The following SEC22A variants were observed in gnomAD, a reference collection of about 807,000 sequenced individuals.
SEC22A encodes SEC22 homolog A, vesicle trafficking protein.
SEC22A carries 22 observed loss-of-function variants against 35.3 expected under a neutral mutation model. That is an observed-to-expected ratio of 0.62 (90% CI 0.45 to 0.89). SEC22A has a LOEUF of 0.89. Among genes scored for constraint, SEC22A ranks in the 40% least tolerant of loss-of-function variants. The pLI is 0.00. For missense variants in SEC22A, 354 were observed against 362.5 expected, an observed-to-expected ratio of 0.98 and a Z score of 0.19; for synonymous variants, 119 against 129.5, an observed-to-expected ratio of 0.92 and a Z score of 0.55.
At chr3:123,264,796 T>TTTCG (rs951372377) in intron 6 of SEC22A, among the ~76,000 whole-genome samples, 4 of 151,812 alleles carry the variant, frequency 2.6e-5, no homozygotes, top group Non-Finnish European at 5.9e-5. Context: ...GCCTAGCTAA[T>TTTCG]TTTGTTTGTT....
At chr3:123,241,263 A>G (rs1024173503) in intron 4 of SEC22A, among the ~76,000 whole-genome samples, 8 of 152,162 alleles carry the variant, frequency 5.3e-5, no homozygotes, top group Non-Finnish European at 8.8e-5. Context: ...AAGGATATGC[A>G]TGATTTTTAC....
At chr3:123,260,294 T>A (rs1937860574) in intron 6 of SEC22A, among the ~76,000 whole-genome samples, 1 of 151,996 alleles carries the variant, frequency 6.6e-6, no homozygotes, top group Non-Finnish European at 1.5e-5. Context: ...GATTTTAGGA[T>A]TCAATTTAGC....
In SEC22A at chr3:123,245,974, A is replaced by T. The variant is rs1937562780; in HGVS notation, c.617A>T (p.Asn206Ile). ...FILSLLCGAL[N>I]LIRGFHAIES... The stretch of plus-strand genomic sequence containing the variant: ...CTTAGTCTTTTATGTGGAGCTCTGA[A>T]TTTAATTCGAGGCTTTCATGCTATA... Residue 206 changes from asparagine to isoleucine, a missense_variant, in exon 5 of 7, where the codon AAT (asparagine) becomes ATT (isoleucine). Coordinates refer to ENST00000492595, the MANE Select transcript of SEC22A (RefSeq NM_012430.5). 1 of 1,612,830 alleles carries T rather than the reference A, an allele frequency of 6.2e-7. No individual in the cohort carries two copies. Among genetic ancestry groups the T allele is most frequent in the African/African-American group, 1.3e-5 (1 of 74,874 alleles).
intron 5 of SEC22A, among the ~76,000 whole-genome samples, chr3:123,247,188 T>A (rs940914723): frequency 6.6e-6 from 1 of 152,186 alleles, no homozygotes; most frequent in Non-Finnish European, 1.5e-5. Flanking sequence ...CAAAGACAAT[T>A]TGGAGACTGC....
chr3:123,235,184 C>A (rs1937396405), intron 4 of SEC22A, among the ~76,000 whole-genome samples: 1 of 152,202 alleles, frequency 6.6e-6, no homozygotes, highest in Admixed American at 6.5e-5. Context: ...TGTACTACCT[C>A]ACCCAATTCA....
At position 123,234,660 on chromosome 3, in the gene SEC22A, A is replaced by G. The variant is rs951899947; in HGVS notation, c.541+9363A>G. Among the ~76,000 whole-genome samples, 41 of 152,320 alleles carry G rather than the reference A, an allele frequency of 2.7e-4. No homozygotes were observed. In the South Asian group the frequency reaches 6.2e-3, roughly 23 times the overall value. On this transcript the variant is annotated intron_variant, in intron 4 of 6. Coordinates refer to ENST00000492595, the MANE Select transcript of SEC22A (RefSeq NM_012430.5). ...AAAACTATAAAACTTTTAGGAGAAA[A>G]CATACATATAAATCTTTGTATAATC...
chr3:123,270,316 G>A lies in SEC22A; in HGVS notation c.724-1206G>A, dbSNP rs143700033. Among the ~76,000 whole-genome samples, 6 of 152,226 alleles carry A rather than the reference G, an allele frequency of 3.9e-5. No individual in the cohort carries two copies. The East Asian group carries it at 1.2e-3, about 29-fold the overall frequency. On this transcript the variant is annotated intron_variant, in intron 6 of 6. Transcript: ENST00000492595. The stretch of plus-strand genomic sequence containing the variant: ...ACTTCCAATTCATTTTGCTTGGATA[G>A]CAGTCTTCTTTTTAAGTAAACAGTC...
chr3:123,237,511 C>G (rs1158535990), intron 4 of SEC22A, among the ~76,000 whole-genome samples: 1 of 152,162 alleles, frequency 6.6e-6, no homozygotes, highest in Non-Finnish European at 1.5e-5. Flanking sequence ...TCTTTTAAGA[C>G]TTGGATGGTG....
chr3:123,260,385 G>A (rs1937863487), intron 6 of SEC22A, among the ~76,000 whole-genome samples: 1 of 152,132 alleles, frequency 6.6e-6, no homozygotes, highest in South Asian at 2.1e-4. Flanking sequence ...CAGGTAGAAG[G>A]TAATGAAAGC....
rs544322798 is a variant in SEC22A at position 123,262,259 on chromosome 3, G to A, written c.723+2670G>A. Among the ~76,000 whole-genome samples, 13 of 152,262 alleles carry A rather than the reference G, an allele frequency of 8.5e-5. No individual in the cohort carries two copies. The South Asian group carries it at 2.7e-3, about 32-fold the overall frequency. ...AGCTCAGCCTGATAGGATTAATCTT[G>A]ATATGGAACATTTCAAATAGGAAAG... On this transcript the variant is annotated intron_variant, in intron 6 of 6. Transcript: ENST00000492595.
intron 2 of SEC22A, among the ~76,000 whole-genome samples, chr3:123,213,614 A>C (rs1432180747): frequency 1.3e-5 from 2 of 152,086 alleles, no homozygotes; most frequent in East Asian, 3.8e-4. Context: ...TTTTTAATTT[A>C]ATTTTATTTC....
rs757793452 is a variant in SEC22A at position 123,209,371 on chromosome 3, A to G, written c.154A>G (p.Thr52Ala). 44 of 1,613,598 alleles carry G rather than the reference A, an allele frequency of 2.7e-5. No individual in the cohort carries two copies. Among genetic ancestry groups the G allele is most frequent in the Non-Finnish European group, 3.2e-5 (38 of 1,179,676 alleles). Residue 52 changes from threonine (T) to alanine (A), a missense_variant, in exon 2 of 7, where the codon ACA (threonine) becomes GCA (alanine). Transcript: ENST00000492595. ...RKLAQLPDRCTLKTGHYNINF... is the reference protein window; with the variant it reads ...RKLAQLPDRCALKTGHYNINF... ...ACTTGCTCAACTTCCTGATAGATGT[A>G]CACTGAAAACTGGACATTATAACAT...
intron 2 of SEC22A, among the ~76,000 whole-genome samples, chr3:123,212,341 C>T (rs993968330): frequency 1.3e-5 from 2 of 152,026 alleles, no homozygotes; most frequent in African/African-American, 4.8e-5. Context: ...GATGTCTCAA[C>T]CTACTTCTAT....
chr3:123,227,780 T>C (rs1248832680), intron 4 of SEC22A, among the ~76,000 whole-genome samples: 1 of 151,988 alleles, frequency 6.6e-6, no homozygotes, highest in African/African-American at 2.4e-5. Context: ...TGAAACCCTG[T>C]CTCTACTAAA....
chr3:123,212,225 A>G (rs1436503929), intron 2 of SEC22A, among the ~76,000 whole-genome samples: 3 of 152,108 alleles, frequency 2.0e-5, no homozygotes, highest in Admixed American at 6.6e-5. Flanking sequence ...AATGTCCACA[A>G]TTTCTTAGAT....
At chr3:123,239,452 C>A (rs1199945251) in intron 4 of SEC22A, among the ~76,000 whole-genome samples, 1 of 152,034 alleles carries the variant, frequency 6.6e-6, no homozygotes. Flanking sequence ...CCCCCTCCAC[C>A]CACCCCACAA....
chr3:123,218,609 T>A (rs1016392928), intron 2 of SEC22A, among the ~76,000 whole-genome samples: 1 of 152,124 alleles, frequency 6.6e-6, no homozygotes, highest in African/African-American at 2.4e-5. Flanking sequence ...CTTAAGGACA[T>A]GTCGAAGATT....
At chr3:123,203,053 CTTTTTTTTTTTT>C (rs779433710) in intron 1 of SEC22A, among the ~76,000 whole-genome samples, 104 of 43,826 alleles carry the variant, frequency 2.4e-3, no homozygotes, top group East Asian at 0.016. Context: ...TGTTTAGTGC[CTTTTTTTTTTTT>C]TTTTTTTTTT....
At chr3:123,246,810 GAATAC>G (rs1476136141) in intron 5 of SEC22A, among the ~76,000 whole-genome samples, 1 of 152,124 alleles carries the variant, frequency 6.6e-6, no homozygotes, top group Admixed American at 6.6e-5. Flanking sequence ...ATTAAGTGCA[GAATAC>G]CATTTGTAAA....
Sources: gnomAD v4.1 joint callset for allele counts (sites outside exome capture counted in the v4.1 genomes callset) on GRCh38, gnomAD v4.1.1 for gene constraint, MANE v1.5 for transcripts, NCBI Gene and HGNC (gene_info 2026-07-23, HGNC 2026-07-21) for gene names.